LYPD6B: variants seen among roughly 807,000 people sequenced by gnomAD.
LYPD6B encodes ly6/PLAUR domain-containing protein 6B.
In LYPD6B, 17 loss-of-function variants were observed where a neutral mutation model predicts 22.8. The ratio of observed to expected loss-of-function variants is 0.75; its 90% CI spans 0.51 to 1.12. LYPD6B has a LOEUF of 1.12. Ranked by LOEUF, LYPD6B falls within the 50% of genes most tolerant of loss-of-function variation. The pLI, the probability that LYPD6B is intolerant of heterozygous loss-of-function variation, is 0.00. For missense variants in LYPD6B, 221 were observed against 258.3 expected, an observed-to-expected ratio of 0.86 and a Z score of 0.99; for synonymous variants, 106 against 91.6, an observed-to-expected ratio of 1.16 and a Z score of -0.90.
At chr2:149,163,152 T>C (rs1690194730) in intron 3 of LYPD6B, among the ~76,000 whole-genome samples, 1 of 152,172 alleles carries the variant, frequency 6.6e-6, no homozygotes, top group African/African-American at 2.4e-5. Context: ...TGTGAACATC[T>C]CATCAGCTCT....
At chr2:149,042,304 C>T (rs981323272) in intron 1 of LYPD6B, among the ~76,000 whole-genome samples, 4 of 152,222 alleles carry the variant, frequency 2.6e-5, no homozygotes, top group African/African-American at 9.6e-5. Flanking sequence ...GTGAGTGCTG[C>T]ACTTTGTTTC....
At chr2:149,130,662 T>C (rs1687971284) in intron 1 of LYPD6B, among the ~76,000 whole-genome samples, 2 of 152,180 alleles carry the variant, frequency 1.3e-5, no homozygotes, top group African/African-American at 4.8e-5. Flanking sequence ...GTGTATCCAT[T>C]CCATCTATGT....
At chr2:149,091,369 T>G (rs1685642394) in intron 1 of LYPD6B, among the ~76,000 whole-genome samples, 1 of 150,442 alleles carries the variant, frequency 6.6e-6, no homozygotes, top group African/African-American at 2.4e-5. Flanking sequence ...AGATTATTTA[T>G]ATAGAATACA....
chr2:149,068,708 T>C (rs1684455504), intron 1 of LYPD6B: 1 of 550,930 alleles, frequency 1.8e-6, no homozygotes, highest in Admixed American at 1.9e-5. Flanking sequence ...GACTTCACAC[T>C]CTGAAGCAAC....
At chr2:149,139,933 G>C (rs998407038) in intron 2 of LYPD6B, among the ~76,000 whole-genome samples, 1 of 152,186 alleles carries the variant, frequency 6.6e-6, no homozygotes, top group Non-Finnish European at 1.5e-5. Flanking sequence ...GAACTTTCTA[G>C]GGACTGGAAA....
intron 1 of LYPD6B, chr2:149,077,465 A>C (rs538988959): frequency 8.3e-6 from 1 of 121,190 alleles, no homozygotes; most frequent in Admixed American, 7.8e-5. Context: ...ACAATGTGGC[A>C]TGTAATAAGT....
intron 1 of LYPD6B, among the ~76,000 whole-genome samples, chr2:149,076,747 A>T (rs538850698): frequency 6.6e-6 from 1 of 152,334 alleles, no homozygotes; most frequent in African/African-American, 2.4e-5. Context: ...TATAATGTGG[A>T]TATATTACCT....
intron 3 of LYPD6B, among the ~76,000 whole-genome samples, chr2:149,182,021 T>A (rs1171167940): frequency 6.6e-6 from 1 of 152,168 alleles, no homozygotes; most frequent in Non-Finnish European, 1.5e-5. Flanking sequence ...CCCCTTGACC[T>A]CTTTGGTTAT....
Position 149,154,421 on chromosome 2 carries a change from C to T in LYPD6B, c.6-6343C>T, listed in dbSNP as rs531920372. 1.4e-4 allele frequency among the ~76,000 whole-genome samples: 22 copies of T among 152,298 alleles called. No individual in the cohort carries two copies. The East Asian group carries it at 4.1e-3, about 28-fold the overall frequency. Reference sequence around the variant, plus strand: ...CAGAGTGAACCAACCCTGCCAGCATCTTTGACTATGGCCTTCTGGCCCTTC... The same window carrying T: ...CAGAGTGAACCAACCCTGCCAGCATTTTTGACTATGGCCTTCTGGCCCTTC... On this transcript the variant is annotated intron_variant, in intron 2 of 6. Transcript: ENST00000409642.
At chr2:149,187,208 C>T (rs964267086) in intron 3 of LYPD6B, among the ~76,000 whole-genome samples, 2 of 152,092 alleles carry the variant, frequency 1.3e-5, no homozygotes. Context: ...GCCTGTAGGT[C>T]CTTTGAGTCT....
chr2:149,116,036 A>G (rs891898563), intron 1 of LYPD6B, among the ~76,000 whole-genome samples: 2 of 152,196 alleles, frequency 1.3e-5, no homozygotes, highest in African/African-American at 2.4e-5. Flanking sequence ...GTAGCCTAAC[A>G]TTATGTCACA....
intron 6 of LYPD6B, among the ~76,000 whole-genome samples, chr2:149,213,348 C>CAG (rs199540249): frequency 2.1e-5 from 3 of 140,326 alleles, no homozygotes; most frequent in African/African-American, 2.5e-5. Context: ...GACCAAAGAA[C>CAG]AGACTCCATA....
chr2:149,083,383 T>A (rs1276894189), intron 1 of LYPD6B, among the ~76,000 whole-genome samples: 1 of 152,232 alleles, frequency 6.6e-6, no homozygotes, highest in Non-Finnish European at 1.5e-5. Context: ...ATCTAGCACA[T>A]TTTCGAATTT....
chr2:149,160,162 A>G (rs561826364), intron 2 of LYPD6B, among the ~76,000 whole-genome samples: 2 of 152,272 alleles, frequency 1.3e-5, no homozygotes, highest in South Asian at 2.1e-4. Context: ...TTACCAAAAA[A>G]AAAGGTATAA....
At chr2:149,134,693 G>T (rs1237186547) in intron 2 of LYPD6B, among the ~76,000 whole-genome samples, 1 of 152,154 alleles carries the variant, frequency 6.6e-6, no homozygotes, top group Non-Finnish European at 1.5e-5. Flanking sequence ...AGGAGGCAAA[G>T]GAATGCAAGA....
At chr2:149,178,425 C>T (rs1691473943) in intron 3 of LYPD6B, among the ~76,000 whole-genome samples, 1 of 152,118 alleles carries the variant, frequency 6.6e-6, no homozygotes, top group Admixed American at 6.6e-5. Flanking sequence ...TATCACTTTA[C>T]TCCCCCCACC....
chr2:149,206,977 T>C (rs1347663267), intron 4 of LYPD6B, among the ~76,000 whole-genome samples: 1 of 152,162 alleles, frequency 6.6e-6, no homozygotes, highest in African/African-American at 2.4e-5. Context: ...AATTCTTCAT[T>C]GAAAATCGTT....
chr2:149,042,978 A>G (rs1450840349), intron 1 of LYPD6B, among the ~76,000 whole-genome samples: 1 of 152,250 alleles, frequency 6.6e-6, no homozygotes, highest in African/African-American at 2.4e-5. Flanking sequence ...AATATGATTT[A>G]TAATGACTTA....
intron 1 of LYPD6B, among the ~76,000 whole-genome samples, chr2:149,087,963 A>G (rs1685475333): frequency 6.6e-6 from 1 of 152,094 alleles, no homozygotes; most frequent in Non-Finnish European, 1.5e-5. Flanking sequence ...CTCATCTCAC[A>G]TCTCTCTTTG....
Sources: gnomAD v4.1 joint callset for allele counts (sites outside exome capture counted in the v4.1 genomes callset) on GRCh38, gnomAD v4.1.1 for gene constraint, MANE v1.5 for transcripts, NCBI Gene and HGNC (gene_info 2026-07-23, HGNC 2026-07-21) for gene names.